STRA6: variants seen among roughly 807,000 people sequenced by gnomAD.
STRA6 encodes signaling receptor and transporter of retinol STRA6, also known as receptor for retinol uptake STRA6.
A neutral mutation model predicts 83.6 loss-of-function variants in STRA6; 48 were observed. The observed-to-expected ratio is 0.57, with a 90% CI of 0.46 to 0.73. The LOEUF (loss-of-function observed/expected upper bound fraction) is 0.73, where lower values mean the gene tolerates loss of function less well. Ranked by LOEUF, STRA6 falls within the 30% of genes least tolerant of loss-of-function variation. The pLI is 0.00. For synonymous variants in STRA6, 353 were observed against 362.3 expected (o/e 0.97, Z 0.29); for missense variants, 760 against 838.8 (o/e 0.91, Z 1.16).
intron 18 of STRA6, 87 bp downstream of exon 18, chr15:74,180,695 T>A (rs2072932584): frequency 6.6e-7 from 1 of 1,512,852 alleles, no homozygotes. Flanking sequence ...TTCCTGGCGC[T>A]CACTCTGTGT....
At chr15:74,206,660 G>A (rs1216819793), upstream of STRA6, among the ~76,000 whole-genome samples, 2 of 152,220 alleles carry the variant, frequency 1.3e-5, no homozygotes, top group Non-Finnish European at 2.9e-5. Context: ...AGGAGGAGAT[G>A]GCTTGGGCAG....
chr15:74,181,015 C>T lies in STRA6; in HGVS notation c.1685-78G>A, dbSNP rs78811269. The stretch of plus-strand genomic sequence containing the variant: ...GCATCCAGACATCCCCTAACACACA[C>T]ACAGGGAGTGCACGTGCACTCCCTG... On this transcript the variant is annotated intron_variant, in intron 17 of 18. Coordinates refer to ENST00000395105, the MANE Select transcript of STRA6 (RefSeq NM_022369.4). 361 of 1,581,998 alleles carry T rather than the reference C, an allele frequency of 2.3e-4. No individual in the cohort carries two copies. In the African/African-American group the frequency reaches 4.4e-3, roughly 19 times the overall value.
At chr15:74,207,447 T>C (rs1255592152), upstream of STRA6, among the ~76,000 whole-genome samples, 2 of 152,094 alleles carry the variant, frequency 1.3e-5, no homozygotes, top group African/African-American at 4.8e-5. Context: ...ACTCAAACTC[T>C]GGCAAACTCA....
chr15:74,200,854 A>G (rs2074025650), intron 2 of STRA6, among the ~76,000 whole-genome samples: 1 of 152,186 alleles, frequency 6.6e-6, no homozygotes, highest in South Asian at 2.1e-4. Flanking sequence ...TTATTCTGAG[A>G]CAACAGCTAT....
chr15:74,186,602 C>T (rs371647490), intron 12 of STRA6, among the ~76,000 whole-genome samples: 1 of 152,010 alleles, frequency 6.6e-6, no homozygotes, highest in Admixed American at 6.6e-5. Flanking sequence ...AATGAGACTC[C>T]GTCTCAAAAC....
chr15:74,189,074 A>T, intron 12 of STRA6, 41 bp downstream of exon 12: 1 of 1,612,196 alleles, frequency 6.2e-7, no homozygotes, highest in Non-Finnish European at 8.5e-7. Flanking sequence ...CCCCGCTTTC[A>T]TTCCCCACTG....
chr15:74,201,869 C>T (rs1216847360), intron 2 of STRA6, among the ~76,000 whole-genome samples: 2 of 152,186 alleles, frequency 1.3e-5, no homozygotes, highest in Admixed American at 6.5e-5. Flanking sequence ...GGAGCCATCC[C>T]TGCAGATCTG....
upstream of STRA6, chr15:74,209,061 C>T (rs2074327033): frequency 1.5e-5 from 18 of 1,210,538 alleles, no homozygotes; most frequent in Admixed American, 1.3e-4. Context: ...CCCCCCTTCT[C>T]CAGTCTGGCT....
chr15:74,206,915 C>G (rs2074272701), upstream of STRA6, among the ~76,000 whole-genome samples: 1 of 152,222 alleles, frequency 6.6e-6, no homozygotes, highest in Non-Finnish European at 1.5e-5. Flanking sequence ...AGCAGGTCTC[C>G]CAACTGGGCA....
In STRA6 at chr15:74,180,804, G is replaced by A; in HGVS notation, c.1818C>T (p.Leu606=). The A allele has an allele frequency of 6.2e-7, 1 of 1,612,104 alleles. No homozygotes were observed. Among genetic ancestry groups the A allele is most frequent in the Non-Finnish European group, 8.5e-7 (1 of 1,178,376 alleles). Residue 606 remains leucine, a synonymous_variant, in exon 18 of 19, where the codon CTC becomes CTT. Coordinates refer to ENST00000395105, the MANE Select transcript of STRA6 (RefSeq NM_022369.4). ...CACCTTCGTCTTCCTCCCCTGGTCT[G>A]AGGCTGTCCTGGGGGGCTGCCATGG... ...PRTMAAPQDS[L]RPGEEDEGMQ...
intron 12 of STRA6, among the ~76,000 whole-genome samples, chr15:74,186,020 T>C (rs2073230046): frequency 1.3e-5 from 2 of 152,200 alleles, no homozygotes; most frequent in Non-Finnish European, 2.9e-5. Context: ...TAGTTCCACA[T>C]AGCCACAGGG....
chr15:74,193,911 G>C lies in STRA6; in HGVS notation c.609C>G (p.Tyr203Ter), dbSNP rs759226680. The C allele has an allele frequency of 6.2e-7, 1 of 1,613,556 alleles. No individual in the cohort carries two copies. The highest frequency in any genetic ancestry group is 1.1e-5 in the South Asian group (1 of 91,082). ...ECPQVPKIYK[Y>*]YSLLASLPLL... ...GAGGCAGGGAGGCCAGCAGGGAGTA[G>C]TACTTGTAGATCTGGACAGACAAAC... Residue 203 changes from tyrosine (Y) to a stop codon, truncating the protein, a stop_gained, in exon 8 of 19, where the codon TAC (tyrosine) becomes TAG (stop). Coordinates refer to ENST00000395105, the MANE Select transcript of STRA6 (RefSeq NM_022369.4). LOFTEE classifies it high-confidence loss of function.
rs1274937536 is a variant in STRA6, at chr15:74,185,027, G to A, written c.1119C>T (p.Ser373=). Residue 373 remains serine, a synonymous_variant, in exon 13 of 19, where the codon TCC becomes TCT. Coordinates refer to ENST00000395105, the MANE Select transcript of STRA6 (RefSeq NM_022369.4). ...EVCYISALVL[S]CLLTFLVLMR... ...TCAGGACCAGGAAGGTGAGTAAGCAGGACAAGACCAAGGCTGAGATGTAGC... is the reference window on the plus strand; with the variant it reads ...TCAGGACCAGGAAGGTGAGTAAGCAAGACAAGACCAAGGCTGAGATGTAGC... The A allele has an allele frequency of 6.2e-7, 1 of 1,614,046 alleles. No homozygotes were observed.
chr15:74,180,012 A>C lies in STRA6; in HGVS notation c.*68T>G. The C allele has an allele frequency of 1.3e-6, 2 of 1,576,098 alleles. No individual in the cohort carries two copies. The highest frequency in any genetic ancestry group is 1.1e-5 in the South Asian group (1 of 88,898). ...TGTGATGCTGGGAGGAGAGCCGGGG[A>C]GGGAGGAGGATGGTAGGCAGGAACA... On this transcript the variant is annotated 3_prime_UTR_variant, in exon 19 of 19. Coordinates refer to ENST00000395105, the MANE Select transcript of STRA6 (RefSeq NM_022369.4).
At chr15:74,207,757 C>A, upstream of STRA6, 2 of 1,535,724 alleles carry the variant, frequency 1.3e-6, no homozygotes, top group East Asian at 2.4e-5. Context: ...CAACCTCATG[C>A]GGGCCCGTGA....
chr15:74,204,660 T>C (rs538275348), upstream of STRA6, among the ~76,000 whole-genome samples: 60 of 152,324 alleles, frequency 3.9e-4, no homozygotes, highest in South Asian at 2.1e-3. Context: ...TGGCCAGGTG[T>C]GGTGGCTTAC....
chr15:74,211,393 C>CTTTTTTTTT (rs34963230), upstream of STRA6, among the ~76,000 whole-genome samples: 3 of 73,902 alleles, frequency 4.1e-5, no homozygotes, highest in African/African-American at 5.4e-5. Context: ...CTGCCCCTGG[C>CTTTTTTTTT]TTTTTTTTTT....
At chr15:74,190,426 T>G (rs769694634) in intron 11 of STRA6, among the ~76,000 whole-genome samples, 82 of 124,456 alleles carry the variant, frequency 6.6e-4, no homozygotes, top group Middle Eastern at 3.6e-3. Context: ...TTTTTCGGGG[T>G]TTTTTTTTTT....
upstream of STRA6, chr15:74,209,585 T>TTCTA (rs1161542789): frequency 1.6e-5 from 11 of 705,408 alleles, no homozygotes; most frequent in African/African-American, 1.8e-4. Context: ...GAGCTTTCTC[T>TTCTA]TCTATTTCTC....
Sources: allele counts gnomAD v4.1 joint callset (sites outside exome capture counted in the v4.1 genomes callset), GRCh38; gene constraint gnomAD v4.1.1; transcripts MANE v1.5; gene names NCBI Gene and HGNC (gene_info 2026-07-23, HGNC 2026-07-21).